The following ACLY variants were observed in gnomAD, a reference collection of about 807,000 sequenced individuals.
ACLY encodes the protein ATP-citrate synthase.
ACLY carries 41 observed loss-of-function variants against 133.0 expected under a neutral mutation model. The ratio of observed to expected loss-of-function variants is 0.31; its 90% CI spans 0.24 to 0.40. The LOEUF (loss-of-function observed/expected upper bound fraction) is 0.40. Among genes scored for constraint, ACLY ranks in the 10% least tolerant of loss-of-function variants. The pLI is 1.00. For synonymous variants in ACLY, 495 were observed against 549.3 expected (o/e 0.90, Z 1.38); for missense variants, 1,046 against 1,453.8 (o/e 0.72, Z 4.56).
At chr17:41,897,270 A>G (rs1198995429) in intron 13 of ACLY, among the ~76,000 whole-genome samples, 1 of 152,118 alleles carries the variant, frequency 6.6e-6, no homozygotes, top group African/African-American at 2.4e-5. Flanking sequence ...ATGGGCTGAC[A>G]GGCGGGGGCT....
intron 25 of ACLY, 73 bp downstream of exon 25, chr17:41,871,616 A>C (rs1808787): frequency 1.3e-6 from 2 of 1,586,844 alleles, no homozygotes; most frequent in Admixed American, 1.7e-5. Flanking sequence ...TGGCCTCCCA[A>C]AGTGCTGTGA....
intron 22 of ACLY, among the ~76,000 whole-genome samples, chr17:41,876,837 C>A (rs1178098511): frequency 1.3e-5 from 2 of 151,990 alleles, no homozygotes; most frequent in African/African-American, 4.8e-5. Flanking sequence ...ATCTGCTGAC[C>A]TTCCCTCCAC....
intron 14 of ACLY, among the ~76,000 whole-genome samples, chr17:41,895,536 G>A (rs1334881323): frequency 6.6e-6 from 1 of 152,084 alleles, no homozygotes; most frequent in Non-Finnish European, 1.5e-5. Flanking sequence ...TGAGGGGAGG[G>A]CTCGCTCAGC....
Position 41,872,350 on chromosome 17 carries a change from G to C in ACLY, c.2643-168C>G, listed in dbSNP as rs556581204. 1.5e-3 allele frequency among the ~76,000 whole-genome samples: 224 copies of C among 152,292 alleles called. 1 individual carries two copies. The highest frequency in any genetic ancestry group is 2.4e-3 in the Non-Finnish European group (166 of 68,034). On this transcript the variant is annotated intron_variant, in intron 23 of 28. Coordinates refer to ENST00000352035, the MANE Select transcript of ACLY (RefSeq NM_001096.3). ...ACCTCCTGATTCTTTTCTTTAGACA[G>C]AGTCTCATTCTGTCGCCTAGGCTGG...
chr17:41,922,448 C>A (rs1555635546), upstream of ACLY, among the ~76,000 whole-genome samples: 3 of 149,196 alleles, frequency 2.0e-5, no homozygotes, highest in African/African-American at 7.4e-5. Context: ...CAGAGTGAGA[C>A]CCTGTATGAG....
At chr17:41,916,669 C>A in intron 1 of ACLY, among the ~76,000 whole-genome samples, 1 of 149,268 alleles carries the variant, frequency 6.7e-6, no homozygotes, top group East Asian at 2.0e-4. Context: ...AGCCACCACG[C>A]CCGGCCTTCA....
intron 25 of ACLY, among the ~76,000 whole-genome samples, chr17:41,871,371 A>C (rs1171036427): frequency 5.8e-5 from 7 of 121,390 alleles, no homozygotes; most frequent in Admixed American, 1.8e-4. Flanking sequence ...TTTTTTTTTG[A>C]GATGGAGTTT....
At chr17:41,922,301 C>G (rs560196310), upstream of ACLY, among the ~76,000 whole-genome samples, 3 of 151,218 alleles carry the variant, frequency 2.0e-5, no homozygotes, top group South Asian at 6.3e-4. Context: ...ATCGTTTGAA[C>G]CCAGGAGGCG....
intron 25 of ACLY, among the ~76,000 whole-genome samples, chr17:41,869,954 C>T (rs1480856894): frequency 1.3e-5 from 2 of 152,308 alleles, no homozygotes; most frequent in African/African-American, 2.4e-5. Flanking sequence ...GCCATGCCCC[C>T]GCCAGCTCTG....
At chr17:41,912,108 T>C (rs1567913231) in intron 3 of ACLY, among the ~76,000 whole-genome samples, 1 of 145,258 alleles carries the variant, frequency 6.9e-6, no homozygotes, top group African/African-American at 2.6e-5. Flanking sequence ...AGCAAGACCC[T>C]GTCAAAAAAA....
chr17:41,897,726 TG>T, intron 13 of ACLY, 22 bp downstream of exon 13: 1 of 1,608,854 alleles, frequency 6.2e-7, no homozygotes, highest in South Asian at 1.1e-5. Flanking sequence ...CCCTGCAACA[TG>T]CCTGAAGCCT....
intron 9 of ACLY, among the ~76,000 whole-genome samples, 159 bp from the exon 10 acceptor site, chr17:41,904,949 A>G (rs1354191857): frequency 2.0e-5 from 3 of 152,164 alleles, no homozygotes; most frequent in African/African-American, 7.2e-5. Flanking sequence ...CAGACATTCC[A>G]CTTTATCAGC....
intron 1 of ACLY, among the ~76,000 whole-genome samples, chr17:41,916,352 G>A (rs1354688093): frequency 1.3e-5 from 2 of 151,522 alleles, no homozygotes; most frequent in African/African-American, 4.9e-5. Context: ...GGTTCAGTGA[G>A]GTCTTCTGTT....
In ACLY at chr17:41,909,082, GGA is replaced by G; in HGVS notation, c.537-16_537-15del. 1 of 1,601,678 alleles carries G rather than the reference GGA, an allele frequency of 6.2e-7. No homozygotes were observed. On this transcript the variant is annotated splice_polypyrimidine_tract_variant and intron_variant, in intron 5 of 28. Transcript: ENST00000352035. ...CTGGCCAGAATTCTAGAGGTGGGAG[GGA>G]GAGAGGGACAGTTCATCCATCAGGG...
Position 41,887,639 on chromosome 17 carries a change from T to G in ACLY, c.1835A>C (p.Lys612Thr). ...GATGGTCACTCCCTTCTGGTCCGCC[T>G]TCTTGATCAGCTTTCTCGTGAGGGC... ...PEALTRKLIKKADQKGVTIIG... is the reference protein window; with the variant it reads ...PEALTRKLIKTADQKGVTIIG... Residue 612 changes from lysine (K) to threonine (T), a missense_variant, in exon 17 of 29, where the codon AAG (lysine) becomes ACG (threonine). Physicochemically the swap from Lys to Thr is moderately conservative, Grantham distance 78 (BLOSUM62 -1). This residue lies in a region of ACLY where 575 missense variants were observed against 804.2 expected (regional missense o/e 0.71). Coordinates refer to ENST00000352035, the MANE Select transcript of ACLY (RefSeq NM_001096.3). 6.2e-7 allele frequency: 1 copy of G among 1,613,838 alleles called. No individual in the cohort carries two copies. Among genetic ancestry groups the G allele is most frequent in the South Asian group, 1.1e-5 (1 of 91,080 alleles).
At position 41,872,013 on chromosome 17, in the gene ACLY, C is replaced by T. The variant is rs2048611085; in HGVS notation, c.2793+19G>A. On this transcript the variant is annotated intron_variant, in intron 24 of 28. Coordinates refer to ENST00000352035, the MANE Select transcript of ACLY (RefSeq NM_001096.3). ...GCCCAGTGTCCCCACTGTTCACCTC[C>T]CATGATGACAGTACTTACGATGGTG... 1.1e-5 allele frequency: 17 copies of T among 1,613,448 alleles called. No individual in the cohort carries two copies. The highest frequency in any genetic ancestry group is 1.3e-5 in the African/African-American group (1 of 74,914).
Position 41,905,509 on chromosome 17 carries a change from G to T in ACLY, c.1003+13C>A. The T allele has an allele frequency of 6.2e-7, 1 of 1,614,186 alleles. No homozygotes were observed. On this transcript the variant is annotated intron_variant, in intron 9 of 28. Transcript: ENST00000352035. ...GAAGTGGGGACAGGTATGTGTGTGT[G>T]CAAGTATCTCACCATCTGGGTGCTT... is the stretch of plus-strand genomic sequence containing the variant.
At chr17:41,879,559 T>C (rs1555626826) in intron 20 of ACLY, among the ~76,000 whole-genome samples, 1 of 135,752 alleles carries the variant, frequency 7.4e-6, no homozygotes, top group Non-Finnish European at 1.5e-5. Context: ...GCTGGGACTA[T>C]AGATATGTGC....
chr17:41,925,883 C>T (rs1376814508), intron 1 of ACLY, among the ~76,000 whole-genome samples: 1 of 151,416 alleles, frequency 6.6e-6, no homozygotes, highest in Non-Finnish European at 1.5e-5. Context: ...CTTGCTCTGT[C>T]GCCCAGGCTG....
Sources: allele counts gnomAD v4.1 joint callset (sites outside exome capture counted in the v4.1 genomes callset), GRCh38; gene constraint gnomAD v4.1.1; regional missense constraint gnomAD v4.1.1; transcripts MANE v1.5; gene names NCBI Gene and HGNC (gene_info 2026-07-23, HGNC 2026-07-21).